RYR3: variants seen among roughly 807,000 people sequenced by gnomAD.
RYR3 encodes the protein brain ryanodine receptor-calcium release channel.
Under a neutral mutation model 584.3 loss-of-function variants are expected in RYR3, and 207 were observed. That is an observed-to-expected ratio of 0.35 (90% CI 0.32 to 0.40). RYR3 has a LOEUF of 0.40. Ranked by LOEUF, RYR3 falls within the 10% of genes least tolerant of loss-of-function variation. RYR3 has a pLI of 1.00. For missense variants in RYR3, 5,616 were observed against 6,089.2 expected, an observed-to-expected ratio of 0.92 and a Z score of 2.59; for synonymous variants, 2,416 against 2,248.5, an observed-to-expected ratio of 1.07 and a Z score of -2.11.
chr15:33,515,427 A>G (rs2053423680), intron 3 of RYR3, among the ~76,000 whole-genome samples: 1 of 152,214 alleles, frequency 6.6e-6, no homozygotes, highest in African/African-American at 2.4e-5. Context: ...CAGTGGGAGA[A>G]ACCTTTGTAG....
chr15:33,572,140 T>G (rs2058059169), intron 12 of RYR3, among the ~76,000 whole-genome samples: 1 of 152,206 alleles, frequency 6.6e-6, no homozygotes, highest in Non-Finnish European at 1.5e-5. Context: ...AGTTATAAGC[T>G]CAGCAACGCA....
intron 51 of RYR3, among the ~76,000 whole-genome samples, chr15:33,741,674 T>TGCCA (rs1048924741): frequency 1.3e-5 from 2 of 152,094 alleles, no homozygotes; most frequent in African/African-American, 4.8e-5. Context: ...AGTGCAGTGG[T>TGCCA]GCCATCTCAA....
At chr15:33,725,975 C>CCCG (rs1215864754) in intron 45 of RYR3, among the ~76,000 whole-genome samples, 1 of 10,056 alleles carries the variant, frequency 9.9e-5, no homozygotes, top group African/African-American at 2.0e-4. Flanking sequence ...ATCCCCCCCC[C>CCCG]CAAAAAAAAA....
intron 89 of RYR3, among the ~76,000 whole-genome samples, chr15:33,839,469 A>C (rs1007969917): frequency 6.6e-6 from 1 of 152,204 alleles, no homozygotes; most frequent in Non-Finnish European, 1.5e-5. Context: ...CAACAAGATT[A>C]AGTGAACAAG....
At position 33,864,122 on chromosome 15, in the gene RYR3, C is replaced by CTT; in HGVS notation, c.14466-13_14466-12dup. ...TCTTGACCAGAGTATCTAATACTAT[C>CTT]TTTTCCTCGTTCCAGGTTCTTTCTG... On this transcript the variant is annotated splice_polypyrimidine_tract_variant and intron_variant, in intron 102 of 103. Transcript: ENST00000634891. 1 of 1,599,058 alleles carries CTT rather than the reference C, an allele frequency of 6.3e-7. No individual in the cohort carries two copies. Among genetic ancestry groups the CTT allele is most frequent in the Non-Finnish European group, 8.5e-7 (1 of 1,170,774 alleles).
chr15:33,425,783 A>G (rs2141661826), intron 1 of RYR3, among the ~76,000 whole-genome samples: 1 of 151,740 alleles, frequency 6.6e-6, no homozygotes, highest in East Asian at 2.0e-4. Context: ...CTGGGACTAC[A>G]GGCGCCCGCC....
intron 68 of RYR3, 47 bp downstream of exon 68, chr15:33,800,904 C>A (rs1032625508): frequency 7.6e-7 from 1 of 1,314,980 alleles, no homozygotes; most frequent in Non-Finnish European, 1.1e-6. Flanking sequence ...GTGAAAGCTG[C>A]AGACCGTGGA....
chr15:33,723,002 C>T, intron 44 of RYR3, 107 bp downstream of exon 44: 1 of 1,004,520 alleles, frequency 1.0e-6, no homozygotes, highest in East Asian at 2.5e-5. Context: ...ATGTTCTTAA[C>T]AGTTACAGCT....
At chr15:33,732,432 G>A (rs1248257812) in intron 48 of RYR3, among the ~76,000 whole-genome samples, 1 of 150,104 alleles carries the variant, frequency 6.7e-6, no homozygotes, top group Non-Finnish European at 1.5e-5. Flanking sequence ...CCCAAGACCA[G>A]CAACAAATGA....
chr15:33,563,119 C>T lies in RYR3; in HGVS notation c.1146+109C>T, dbSNP rs185004923. 77 of 898,330 alleles carry T rather than the reference C, an allele frequency of 8.6e-5. 1 individual carries two copies. The highest frequency in any genetic ancestry group is 8.4e-4 in the African/African-American group (50 of 59,694). The allele number at this position is 898,330 out of a possible 1,614,324, so 55.6% of individuals were successfully genotyped here. ...GGACATGATTGTGATTTACTTCTTA[C>T]TATTCAGAAGAGTTATTTTGTGATG... On this transcript the variant is annotated intron_variant, in intron 11 of 103. Transcript: ENST00000634891.
intron 38 of RYR3, among the ~76,000 whole-genome samples, chr15:33,690,673 A>C (rs1431679213): frequency 6.6e-6 from 1 of 152,192 alleles, no homozygotes; most frequent in Non-Finnish European, 1.5e-5. Context: ...GTTTCCAATC[A>C]CAGCCTCACT....
Position 33,762,439 on chromosome 15 carries a change from A to G in RYR3, c.8705+4843A>G, listed in dbSNP as rs184556683. 3.9e-4 allele frequency among the ~76,000 whole-genome samples: 60 copies of G among 152,360 alleles called. No individual in the cohort carries two copies. The East Asian group carries it at 0.012, about 29-fold the overall frequency. ...GATACAAAATCAATGTGAAAAAATT[A>G]CAGGCATTCCTATACACCAATAATA... On this transcript the variant is annotated intron_variant, in intron 60 of 103. Transcript: ENST00000634891.
chr15:33,646,644 A>G (rs2062118151), intron 29 of RYR3, 118 bp downstream of exon 29: 1 of 930,574 alleles, frequency 1.1e-6, no homozygotes, highest in Admixed American at 2.6e-5. Flanking sequence ...CTCTGCTTTC[A>G]GTCAGGTAAA....
chr15:33,561,370 T>TGA (rs1459011517), intron 10 of RYR3, among the ~76,000 whole-genome samples: 1 of 151,936 alleles, frequency 6.6e-6, no homozygotes, highest in Non-Finnish European at 1.5e-5. Flanking sequence ...TTTTGAAGGG[T>TGA]GAGTAGTAGT....
chr15:33,669,854 G>GC (rs765175872), intron 37 of RYR3, among the ~76,000 whole-genome samples: 1 of 35,994 alleles, frequency 2.8e-5, no homozygotes, highest in Non-Finnish European at 6.4e-5. Flanking sequence ...GGGGGGGGGG[G>GC]GGGGTGTGGG....
chr15:33,522,092 TAAAAAAAAA>T (rs36044198), intron 3 of RYR3, among the ~76,000 whole-genome samples: 10 of 114,760 alleles, frequency 8.7e-5, no homozygotes, highest in East Asian at 5.2e-4. Flanking sequence ...CATCTCTACT[TAAAAAAAAA>T]AAAAAAAAAA....
chr15:33,834,716 C>T (rs2077927869), intron 86 of RYR3, among the ~76,000 whole-genome samples: 1 of 152,162 alleles, frequency 6.6e-6, no homozygotes, highest in African/African-American at 2.4e-5. Flanking sequence ...GTTTTAAGAA[C>T]TCATTCTGAG....
intron 4 of RYR3, among the ~76,000 whole-genome samples, chr15:33,532,200 C>T (rs1206349441): frequency 6.6e-6 from 1 of 152,184 alleles, no homozygotes; most frequent in African/African-American, 2.4e-5. Context: ...CAGTCTAATC[C>T]TAAGATGAGC....
intron 38 of RYR3, among the ~76,000 whole-genome samples, chr15:33,672,669 G>T (rs2063918660): frequency 6.6e-6 from 1 of 152,208 alleles, no homozygotes; most frequent in African/African-American, 2.4e-5. Flanking sequence ...AGAACCATAT[G>T]CATTAAAGGG....
Sources: gnomAD v4.1 joint callset for allele counts (sites outside exome capture counted in the v4.1 genomes callset) on GRCh38, gnomAD v4.1.1 for gene constraint, MANE v1.5 for transcripts, NCBI Gene and HGNC (gene_info 2026-07-23, HGNC 2026-07-21) for gene names.